The following TENM3 variants were observed in gnomAD, a reference collection of about 807,000 sequenced individuals.
TENM3 encodes the protein teneurin transmembrane protein 3, also known as teneurin-3.
In TENM3, 63 loss-of-function variants were observed where a neutral mutation model predicts 255.1. The observed-to-expected ratio is 0.25, with a 90% CI of 0.20 to 0.30. The LOEUF (loss-of-function observed/expected upper bound fraction) is 0.30. Ranked by LOEUF, TENM3 falls within the 10% of genes least tolerant of loss-of-function variation. The pLI, the probability that TENM3 is intolerant of heterozygous loss-of-function variation, is 1.00. For synonymous variants in TENM3, 1,306 were observed against 1,322.3 expected (o/e 0.99, Z 0.27); for missense variants, 2,929 against 3,461.1 (o/e 0.85, Z 3.86).
the TENM3 span, among the ~76,000 whole-genome samples, chr4:181,785,869 C>T: frequency 1.3e-5 from 2 of 151,782 alleles, no homozygotes; most frequent in South Asian, 2.1e-4. Context: ...CTAAGTAAAG[C>T]GGAATAGTCT....
chr4:182,046,549 A>AAATAAT, the TENM3 span, among the ~76,000 whole-genome samples: 1,836 of 143,086 alleles, frequency 0.013, 30 homozygotes, highest in African/African-American at 0.033. Context: ...ACAAAAAACT[A>AAATAAT]AATAATAATA....
chr4:181,573,562 A>T, the TENM3 span, among the ~76,000 whole-genome samples: 1 of 152,200 alleles, frequency 6.6e-6, no homozygotes, highest in Non-Finnish European at 1.5e-5. Context: ...GAATTAGTGA[A>T]AGCATGAAAT....
intron 2 of TENM3, among the ~76,000 whole-genome samples, chr4:182,335,783 A>G (rs1040791966): frequency 2.6e-5 from 4 of 152,216 alleles, no homozygotes; most frequent in African/African-American, 9.6e-5. Flanking sequence ...AATTCTTATG[A>G]CATATATAAT....
rs1255744461 is a variant in TENM3 at position 182,161,866 on chromosome 4, T to TATATACACAC, written c.-76+17116_-76+17117insACACACATAT. 8.6e-4 allele frequency among the ~76,000 whole-genome samples: 17 copies of TATATACACAC among 19,744 alleles called. 1 individual carries two copies. Among genetic ancestry groups the TATATACACAC allele is most frequent in the Non-Finnish European group, 1.4e-3 (7 of 4,950 alleles). The allele number at this position is 19,744 out of a possible 152,430, so 13.0% of individuals were successfully genotyped here. Reference sequence around the variant, plus strand: ...ATATATACACAAATATATATGTGTATATATGTGTATATATATACACACATA... The same window carrying TATATACACAC: ...ATATATACACAAATATATATGTGTATATATACACACATATGTGTATATATATACACACATA... On this transcript the variant is annotated intron_variant, in intron 1 of 2. Coordinates refer to the TENM3 transcript ENST00000512480.
chr4:182,410,445 C>G (rs1426675777), intron 3 of TENM3, among the ~76,000 whole-genome samples: 1 of 152,240 alleles, frequency 6.6e-6, no homozygotes, highest in Non-Finnish European at 1.5e-5. Context: ...TCTCCTTGCC[C>G]TCTGTCTCCC....
At chr4:181,501,812 CTGAATTCAA>C in the TENM3 span, among the ~76,000 whole-genome samples, 1 of 152,146 alleles carries the variant, frequency 6.6e-6, no homozygotes, top group African/African-American at 2.4e-5. Flanking sequence ...TATAAATAAA[CTGAATTCAA>C]TGATTTCAAG....
intron 3 of TENM3, among the ~76,000 whole-genome samples, chr4:182,387,285 G>C (rs1768018347): frequency 6.6e-6 from 1 of 152,224 alleles, no homozygotes; most frequent in Non-Finnish European, 1.5e-5. Flanking sequence ...TCGACACTCT[G>C]TATCTAGCTG....
the TENM3 span, among the ~76,000 whole-genome samples, chr4:181,790,565 A>G: frequency 1.3e-5 from 2 of 152,290 alleles, no homozygotes; most frequent in South Asian, 4.1e-4. Flanking sequence ...AGAAATAGAA[A>G]AGTTACTGCT....
rs1768754417 is a variant in TENM3 at position 182,395,616 on chromosome 4, G to A, written c.511+48687G>A. On this transcript the variant is annotated intron_variant, in intron 3 of 27. Transcript: ENST00000511685. ...AAGAGAAATGGAAATGTTAAAGGTT[G>A]AAAATTCATTATTTAGTCAAGAGAC... Among the ~76,000 whole-genome samples the A allele has an allele frequency of 2.6e-5, 4 of 152,150 alleles. No individual in the cohort carries two copies. The South Asian group carries it at 8.3e-4, about 31-fold the overall frequency.
At chr4:181,857,398 G>A in the TENM3 span, among the ~76,000 whole-genome samples, 1 of 151,856 alleles carries the variant, frequency 6.6e-6, no homozygotes, top group African/African-American at 2.4e-5. Context: ...TCTGAGCAAA[G>A]GGCCTTGTCA....
At chr4:182,570,911 T>C (rs1336723482) in intron 3 of TENM3, among the ~76,000 whole-genome samples, 1 of 152,122 alleles carries the variant, frequency 6.6e-6, no homozygotes, top group African/African-American at 2.4e-5. Context: ...ATGCGTGTGT[T>C]TATCCTGGGT....
intron 3 of TENM3, among the ~76,000 whole-genome samples, chr4:182,396,788 C>G (rs1768848162): frequency 6.6e-6 from 1 of 151,910 alleles, no homozygotes; most frequent in African/African-American, 2.4e-5. Context: ...ATGGTGAAAC[C>G]CCGTCTCTAC....
At chr4:182,445,975 C>T (rs1175267533) in intron 3 of TENM3, among the ~76,000 whole-genome samples, 1 of 152,192 alleles carries the variant, frequency 6.6e-6, no homozygotes, top group Non-Finnish European at 1.5e-5. Context: ...CATTACACGT[C>T]TCTGTGGAAC....
At chr4:181,668,985 A>G in the TENM3 span, among the ~76,000 whole-genome samples, 1 of 152,202 alleles carries the variant, frequency 6.6e-6, no homozygotes, top group South Asian at 2.1e-4. Flanking sequence ...GATAGAGAAT[A>G]TTCTCTGTTA....
the TENM3 span, among the ~76,000 whole-genome samples, chr4:182,074,592 G>T: frequency 6.6e-6 from 1 of 152,188 alleles, no homozygotes; most frequent in Non-Finnish European, 1.5e-5. Context: ...AAAAGCTATT[G>T]TTGCTTAAGC....
At chr4:182,331,267 C>T (rs550703384) in intron 2 of TENM3, among the ~76,000 whole-genome samples, 2 of 152,046 alleles carry the variant, frequency 1.3e-5, no homozygotes, top group Non-Finnish European at 2.9e-5. Context: ...GCATTTTGGC[C>T]GGGTGCGGTG....
At position 182,217,673 on chromosome 4, in the gene TENM3, A is replaced by G. The variant is rs1438286091; in HGVS notation, c.-76+72919A>G. Among the ~76,000 whole-genome samples, 6 of 152,210 alleles carry G rather than the reference A, an allele frequency of 3.9e-5. No individual in the cohort carries two copies. In the East Asian group the frequency reaches 1.2e-3, roughly 29 times the overall value. On this transcript the variant is annotated intron_variant, in intron 1 of 2. Coordinates refer to the TENM3 transcript ENST00000512480. ...TATCAAATCATGTGCCCAAGGCCAC[A>G]AAGCCAACATGTGGTAGAACTGAGA...
At chr4:181,491,935 T>A in the TENM3 span, among the ~76,000 whole-genome samples, 1 of 152,194 alleles carries the variant, frequency 6.6e-6, no homozygotes, top group South Asian at 2.1e-4. Context: ...ACTCATATGA[T>A]AATGTTACTT....
the TENM3 span, among the ~76,000 whole-genome samples, chr4:181,958,469 T>C: frequency 6.6e-6 from 1 of 152,342 alleles, no homozygotes; most frequent in East Asian, 1.9e-4. Flanking sequence ...GTGTCAATAA[T>C]ACAGTAATGA....
Sources: allele counts gnomAD v4.1 joint callset (sites outside exome capture counted in the v4.1 genomes callset), GRCh38; gene constraint gnomAD v4.1.1; transcripts MANE v1.5; gene names NCBI Gene and HGNC (gene_info 2026-07-23, HGNC 2026-07-21).